The following BASP1 variants were observed in gnomAD, a reference collection of about 807,000 sequenced individuals.
The protein encoded by BASP1 is brain acid soluble protein 1.
A neutral mutation model predicts 2.2 loss-of-function variants in BASP1; 1 was observed. The ratio of observed to expected loss-of-function variants is 0.46; its 90% CI spans 0.16 to 2.17. BASP1 has a LOEUF of 2.17. Ranked by LOEUF, BASP1 falls within the 30% of genes most tolerant of loss-of-function variation. The probability of loss-of-function intolerance (pLI) is 0.27; values close to 1 mark genes in which losing one functional copy is unlikely to be tolerated. For missense variants in BASP1, 352 were observed against 327.2 expected, an observed-to-expected ratio of 1.08 and a Z score of -0.58; for synonymous variants, 187 against 154.2, an observed-to-expected ratio of 1.21 and a Z score of -1.58.
At chr5:17,231,502 A>G (rs1739632875) in intron 1 of BASP1, among the ~76,000 whole-genome samples, 1 of 151,766 alleles carries the variant, frequency 6.6e-6, no homozygotes, top group African/African-American at 2.4e-5. Flanking sequence ...TTCACCTTCT[A>G]TTTTCGTCTC....
rs1740627069 is a variant in BASP1 at position 17,275,537 on chromosome 5, G to A, written c.321G>A (p.Glu107=). ...AGCCCCCGAAGGCGCCCGAGCAGGA[G>A]CAGGCGGCCCCCGGCCCCGCTGCGG... ...KAEPPKAPEQ[E]QAAPGPAAGG... is the part of the protein sequence containing the mutation. The change falls in exon 2 of 2, where the codon GAG becomes GAA. Residue 107 remains glutamate (E), a synonymous_variant. Coordinates refer to ENST00000322611, the MANE Select transcript of BASP1 (RefSeq NM_006317.5). The surrounding 1 kb of genome is among the most constrained non-coding windows in gnomAD (Gnocchi z 5.3). The A allele has an allele frequency of 7.0e-7, 1 of 1,420,508 alleles. No homozygotes were observed. Among genetic ancestry groups the A allele is most frequent in the Middle Eastern group, 2.6e-4 (1 of 3,808 alleles). The allele number at this position is 1,420,508 out of a possible 1,614,324, so 88.0% of individuals were successfully genotyped here. A position where few individuals can be genotyped will look rare whatever the true frequency, so the allele number is the denominator to read the frequency against.
intron 1 of BASP1, among the ~76,000 whole-genome samples, chr5:17,253,344 G>A (rs1439385779): frequency 2.0e-5 from 3 of 152,210 alleles, no homozygotes; most frequent in African/African-American, 4.8e-5. Context: ...CCCAGTAGCT[G>A]GGACTACAGG....
At chr5:17,267,514 T>G (rs1740437615) in intron 1 of BASP1, among the ~76,000 whole-genome samples, 1 of 151,056 alleles carries the variant, frequency 6.6e-6, no homozygotes, top group Non-Finnish European at 1.5e-5. Flanking sequence ...TTGTATTTTT[T>G]TTTGCTTTTT....
Position 17,241,727 on chromosome 5 carries a change from T to C in BASP1, c.-10+23917T>C, listed in dbSNP as rs534321879. Among the ~76,000 whole-genome samples the C allele has an allele frequency of 2.6e-4, 40 of 152,304 alleles. No individual in the cohort carries two copies. The South Asian group carries it at 8.1e-3, about 31-fold the overall frequency. ...TGGAGTGAGCCAGTGTGTGCCACCA[T>C]GGGTGTCCCTCGATGTTCTCTCCTG... On this transcript the variant is annotated intron_variant, in intron 1 of 1. Coordinates refer to ENST00000322611, the MANE Select transcript of BASP1 (RefSeq NM_006317.5).
chr5:17,247,680 A>T (rs2126505145), intron 1 of BASP1, among the ~76,000 whole-genome samples: 1 of 152,248 alleles, frequency 6.6e-6, no homozygotes, highest in East Asian at 1.9e-4. Context: ...TCAGGACATA[A>T]CCTCTCAGCT....
At chr5:17,232,003 A>G (rs183864054) in intron 1 of BASP1, among the ~76,000 whole-genome samples, 12 of 152,350 alleles carry the variant, frequency 7.9e-5, no homozygotes, top group Admixed American at 7.8e-4. Context: ...TACTATGAAG[A>G]TGAATAGCTG....
chr5:17,257,011 TA>T (rs1740223355), intron 1 of BASP1, among the ~76,000 whole-genome samples: 2 of 152,218 alleles, frequency 1.3e-5, no homozygotes, highest in South Asian at 4.1e-4. Context: ...CTAAAGCCAG[TA>T]AGATGGAAAT....
intron 1 of BASP1, among the ~76,000 whole-genome samples, chr5:17,245,547 TA>T (rs1193625029): frequency 6.6e-6 from 1 of 152,134 alleles, no homozygotes; most frequent in East Asian, 1.9e-4. Context: ...AATTTATTTT[TA>T]AAAATAAACA....
intron 1 of BASP1, among the ~76,000 whole-genome samples, chr5:17,262,064 T>C (rs1433619911): frequency 6.6e-6 from 1 of 152,200 alleles, no homozygotes; most frequent in Admixed American, 6.5e-5. Flanking sequence ...AAATTTTCTC[T>C]TTTGATTTTT....
intron 1 of BASP1, among the ~76,000 whole-genome samples, chr5:17,244,363 T>C (rs999839691): frequency 1.3e-5 from 2 of 152,180 alleles, no homozygotes; most frequent in African/African-American, 4.8e-5. Context: ...TAAAACATAA[T>C]AGTGTTTTCC....
intron 1 of BASP1, among the ~76,000 whole-genome samples, chr5:17,247,466 A>G (rs185409628): frequency 6.6e-6 from 1 of 152,328 alleles, no homozygotes; most frequent in East Asian, 1.9e-4. Context: ...CATCAGTGTT[A>G]TTATGCCTTC....
intron 1 of BASP1, among the ~76,000 whole-genome samples, chr5:17,265,734 T>C (rs947826603): frequency 2.0e-5 from 3 of 152,230 alleles, no homozygotes; most frequent in Non-Finnish European, 4.4e-5. Flanking sequence ...AAGGAAGTAA[T>C]AAATGATAGT....
At position 17,276,130 on chromosome 5, in the gene BASP1, T is replaced by G; in HGVS notation, c.*230T>G. 12 of 365,878 alleles carry G rather than the reference T, an allele frequency of 3.3e-5. No individual in the cohort carries two copies. The highest frequency in any genetic ancestry group is 8.7e-5 in the East Asian group (2 of 23,020). The allele number at this position is 365,878 out of a possible 1,614,324, so 22.7% of individuals were successfully genotyped here. ...GAGGGAGGGGGTGGGAGAATCCAAATAGTATTTTTGTGGGGAAATATCTAA... is the reference window on the plus strand; with the variant it reads ...GAGGGAGGGGGTGGGAGAATCCAAAGAGTATTTTTGTGGGGAAATATCTAA... On this transcript the variant is annotated 3_prime_UTR_variant, in exon 2 of 2. Transcript: ENST00000322611.
chr5:17,226,501 GA>G (rs1265553787), intron 1 of BASP1, among the ~76,000 whole-genome samples: 9 of 152,184 alleles, frequency 5.9e-5, no homozygotes, highest in Non-Finnish European at 1.3e-4. Flanking sequence ...TCAAAAGGGG[GA>G]AAACAGTATC....
intron 1 of BASP1, among the ~76,000 whole-genome samples, chr5:17,229,784 G>GTT (rs60139148): frequency 5.4e-5 from 7 of 128,900 alleles, no homozygotes; most frequent in East Asian, 2.2e-4. Flanking sequence ...GTAGGATTGG[G>GTT]TTTTTTTTTT....
At chr5:17,265,194 T>A (rs1740393930) in intron 1 of BASP1, among the ~76,000 whole-genome samples, 1 of 152,184 alleles carries the variant, frequency 6.6e-6, no homozygotes, top group African/African-American at 2.4e-5. Context: ...TGTAACCCCC[T>A]TGGCTTGTGG....
At position 17,236,888 on chromosome 5, in the gene BASP1, T is replaced by C. The variant is rs1376450272; in HGVS notation, c.-10+19078T>C. 6.6e-6 allele frequency among the ~76,000 whole-genome samples: 1 copy of C among 152,186 alleles called. No homozygotes were observed. Among genetic ancestry groups the C allele is most frequent in the Non-Finnish European group, 1.5e-5 (1 of 68,020 alleles). On this transcript the variant is annotated intron_variant, in intron 1 of 1. Transcript: ENST00000322611. This position sits in a 1 kb window ranked among gnomAD's most constrained non-coding sequence, Gnocchi z 4.0. ...ATTCTTAATAGGCAGTCGATGTAAATAAAACAAAATTCTGTATATTTAAAA... is the reference window on the plus strand; with the variant it reads ...ATTCTTAATAGGCAGTCGATGTAAACAAAACAAAATTCTGTATATTTAAAA...
chr5:17,225,133 A>G (rs1239947710), intron 1 of BASP1, among the ~76,000 whole-genome samples: 1 of 152,142 alleles, frequency 6.6e-6, no homozygotes. Flanking sequence ...AACCCAGGTT[A>G]TTTCCCCATA....
At chr5:17,252,853 A>AG (rs1326428237) in intron 1 of BASP1, among the ~76,000 whole-genome samples, 1 of 152,240 alleles carries the variant, frequency 6.6e-6, no homozygotes, top group Non-Finnish European at 1.5e-5. Context: ...GACTCTGGGC[A>AG]GGGGTCAGTC....
Sources: allele counts gnomAD v4.1 joint callset (sites outside exome capture counted in the v4.1 genomes callset), GRCh38; gene constraint gnomAD v4.1.1; non-coding constraint Gnocchi (gnomAD v3.1); transcripts MANE v1.5; gene names NCBI Gene and HGNC (gene_info 2026-07-23, HGNC 2026-07-21).